The following SRD5A2 variants were observed in gnomAD, a reference collection of about 807,000 sequenced individuals.
SRD5A2 encodes the protein 3-oxo-5-alpha-steroid 4-dehydrogenase 2.
In SRD5A2, 30 loss-of-function variants were observed where a neutral mutation model predicts 27.4. That is an observed-to-expected ratio of 1.10 (90% CI 0.82 to 1.49). The LOEUF (loss-of-function observed/expected upper bound fraction) is 1.49, where lower values mean the gene tolerates loss of function less well. SRD5A2 is among the 40% of genes most tolerant of loss of function. The probability of loss-of-function intolerance (pLI) is 0.00; values close to 1 mark genes in which losing one functional copy is unlikely to be tolerated. For synonymous variants in SRD5A2, 141 were observed against 133.6 expected (o/e 1.06, Z -0.38); for missense variants, 348 against 323.4 (o/e 1.08, Z -0.58).
intron 1 of SRD5A2, among the ~76,000 whole-genome samples, chr2:31,550,966 C>T (rs1188083237): frequency 2.6e-5 from 4 of 151,512 alleles, no homozygotes; most frequent in Non-Finnish European, 5.9e-5. Flanking sequence ...GTGGGAAATC[C>T]CCAAAAATAT....
At chr2:31,643,955 A>G in the SRD5A2 span, among the ~76,000 whole-genome samples, 3 of 152,300 alleles carry the variant, frequency 2.0e-5, no homozygotes, top group East Asian at 5.8e-4. Context: ...TCATGTGTGA[A>G]AGCATTCTAA....
chr2:31,532,255 T>G (rs935568968), intron 2 of SRD5A2, among the ~76,000 whole-genome samples: 2 of 152,104 alleles, frequency 1.3e-5, no homozygotes, highest in Non-Finnish European at 2.9e-5. Flanking sequence ...GTCACTATTA[T>G]ATGGTTTTCT....
At chr2:31,550,059 T>C (rs962386970) in intron 1 of SRD5A2, among the ~76,000 whole-genome samples, 2 of 152,082 alleles carry the variant, frequency 1.3e-5, no homozygotes, top group Non-Finnish European at 2.9e-5. Flanking sequence ...CTGGCCATAA[T>C]AGAAACAAAA....
chr2:31,565,944 C>T (rs536826329), intron 1 of SRD5A2, among the ~76,000 whole-genome samples: 1 of 152,056 alleles, frequency 6.6e-6, no homozygotes, highest in African/African-American at 2.4e-5. Context: ...GATTGATAGA[C>T]CCAATTCTGG....
At chr2:31,580,980 C>G, upstream of SRD5A2, 3 of 1,448,124 alleles carry the variant, frequency 2.1e-6, no homozygotes, top group South Asian at 1.4e-5. Flanking sequence ...GAGCGCCAGA[C>G]GCCACCCGTG....
chr2:31,577,706 G>A (rs1412389227), intron 1 of SRD5A2, among the ~76,000 whole-genome samples: 1 of 152,088 alleles, frequency 6.6e-6, no homozygotes, highest in Non-Finnish European at 1.5e-5. Flanking sequence ...CACACAGCAC[G>A]AGATAAAGCC....
the SRD5A2 span, among the ~76,000 whole-genome samples, chr2:31,602,506 C>T: frequency 2.6e-5 from 4 of 152,044 alleles, no homozygotes; most frequent in Non-Finnish European, 4.4e-5. Flanking sequence ...ACATTCAATG[C>T]TATTCCCATT....
the SRD5A2 span, among the ~76,000 whole-genome samples, chr2:31,630,357 AAGAG>A: frequency 6.6e-6 from 1 of 152,084 alleles, no homozygotes; most frequent in African/African-American, 2.4e-5. Flanking sequence ...GAGAGAGAAA[AAGAG>A]AGATAGAAGT....
At chr2:31,564,455 T>C (rs1442608758) in intron 1 of SRD5A2, among the ~76,000 whole-genome samples, 1 of 151,986 alleles carries the variant, frequency 6.6e-6, no homozygotes, top group East Asian at 1.9e-4. Flanking sequence ...ATAGATATTT[T>C]CCTCAGCAAA....
chr2:31,579,501 T>C (rs1258942061), intron 1 of SRD5A2, among the ~76,000 whole-genome samples: 1 of 152,254 alleles, frequency 6.6e-6, no homozygotes, highest in Non-Finnish European at 1.5e-5. Context: ...GGCTCTGTTC[T>C]CTTCTTGCAT....
chr2:31,613,742 G>A, the SRD5A2 span, among the ~76,000 whole-genome samples: 2 of 152,094 alleles, frequency 1.3e-5, no homozygotes, highest in African/African-American at 2.4e-5. Flanking sequence ...AGAAAAAGAG[G>A]CTTAATGGAC....
chr2:31,595,244 C>T, the SRD5A2 span, among the ~76,000 whole-genome samples: 2 of 151,984 alleles, frequency 1.3e-5, no homozygotes, highest in South Asian at 2.1e-4. Context: ...AAAATCAATA[C>T]AAAAGATAAA....
chr2:31,614,684 C>T, the SRD5A2 span, among the ~76,000 whole-genome samples: 1 of 152,222 alleles, frequency 6.6e-6, no homozygotes, highest in African/African-American at 2.4e-5. Flanking sequence ...TCTGTCACTG[C>T]AGAAAACTTC....
intron 1 of SRD5A2, among the ~76,000 whole-genome samples, chr2:31,537,202 T>C (rs1666045006): frequency 2.0e-5 from 3 of 152,224 alleles, no homozygotes; most frequent in Non-Finnish European, 2.9e-5. Flanking sequence ...TCAAACTCTA[T>C]AGATAAATAC....
the SRD5A2 span, among the ~76,000 whole-genome samples, chr2:31,634,910 C>T: frequency 6.6e-6 from 1 of 152,094 alleles, no homozygotes; most frequent in African/African-American, 2.4e-5. Flanking sequence ...GTATATGTAG[C>T]ACATTTTCTT....
chr2:31,557,647 T>C (rs963038505), intron 1 of SRD5A2, among the ~76,000 whole-genome samples: 1 of 152,144 alleles, frequency 6.6e-6, no homozygotes, highest in Admixed American at 6.5e-5. Flanking sequence ...AAATGGAAAT[T>C]CATCCACATC....
At chr2:31,612,298 AG>A in the SRD5A2 span, among the ~76,000 whole-genome samples, 888 of 148,632 alleles carry the variant, frequency 6.0e-3, 4 homozygotes, top group African/African-American at 0.016. Context: ...AAAAAAAAAA[AG>A]AGAGAGAAAG....
At chr2:31,650,425 C>T in the SRD5A2 span, among the ~76,000 whole-genome samples, 32 of 152,236 alleles carry the variant, frequency 2.1e-4, no homozygotes, top group African/African-American at 7.5e-4. Flanking sequence ...GCTCCAGGAA[C>T]CTCGAGAACT....
At chr2:31,612,349 A>G in the SRD5A2 span, among the ~76,000 whole-genome samples, 1 of 152,082 alleles carries the variant, frequency 6.6e-6, no homozygotes, top group African/African-American at 2.4e-5. Context: ...CAACAACAAC[A>G]AAAATGTCAG....
Sources: gnomAD v4.1 joint callset for allele counts (sites outside exome capture counted in the v4.1 genomes callset) on GRCh38, gnomAD v4.1.1 for gene constraint, MANE v1.5 for transcripts, NCBI Gene and HGNC (gene_info 2026-07-23, HGNC 2026-07-21) for gene names.